F13A1: variants seen among roughly 807,000 people sequenced by gnomAD.
F13A1 encodes FSF, A subunit.
In F13A1, 47 loss-of-function variants were observed where a neutral mutation model predicts 80.1. That is an observed-to-expected ratio of 0.59 (90% confidence interval 0.46 to 0.75). The LOEUF is 0.75. Ranked by LOEUF, F13A1 falls within the 30% of genes least tolerant of loss-of-function variation. The pLI, the probability that F13A1 is intolerant of heterozygous loss-of-function variation, is 0.00. For synonymous variants in F13A1, 349 were observed against 344.9 expected (o/e 1.01, Z -0.13); for missense variants, 817 against 930.4 (o/e 0.88, Z 1.59).
At chr6:6,206,636 A>G (rs1205505063) in intron 8 of F13A1, 1 of 472,052 alleles carries the variant, frequency 2.1e-6, no homozygotes, top group East Asian at 6.2e-5. Context: ...TAGGGCAGTG[A>G]TTTCCAACCT....
chr6:6,186,570 C>T (rs1482000763), intron 10 of F13A1, among the ~76,000 whole-genome samples: 1 of 152,148 alleles, frequency 6.6e-6, no homozygotes, highest in African/African-American at 2.4e-5. Flanking sequence ...CTGTTCTGTT[C>T]CATTGATCTA....
intron 8 of F13A1, among the ~76,000 whole-genome samples, chr6:6,207,904 A>C (rs143226542): frequency 6.6e-6 from 1 of 152,368 alleles, no homozygotes; most frequent in African/African-American, 2.4e-5. Context: ...CAACAACAAC[A>C]GCAAACATCA....
At chr6:6,191,314 T>C (rs916867912) in intron 10 of F13A1, among the ~76,000 whole-genome samples, 1 of 152,220 alleles carries the variant, frequency 6.6e-6, no homozygotes, top group Non-Finnish European at 1.5e-5. Flanking sequence ...TTGGTACTAC[T>C]TGTGAAAGCC....
chr6:6,166,459 C>T (rs1183322633), intron 13 of F13A1, among the ~76,000 whole-genome samples: 2 of 152,208 alleles, frequency 1.3e-5, no homozygotes, highest in Non-Finnish European at 2.9e-5. Flanking sequence ...GATTTATCTA[C>T]CACTTTAGAG....
intron 11 of F13A1, among the ~76,000 whole-genome samples, chr6:6,179,853 G>A (rs1026058257): frequency 6.6e-6 from 1 of 152,152 alleles, no homozygotes; most frequent in African/African-American, 2.4e-5. Flanking sequence ...TCTTCCTCAT[G>A]CAGTGCGGAC....
chr6:6,246,984 A>ATG (rs113740556), intron 6 of F13A1, among the ~76,000 whole-genome samples: 4,854 of 152,298 alleles, frequency 0.032, 224 homozygotes, highest in African/African-American at 0.1. Context: ...AGTCTAATAT[A>ATG]TTTGTTATAA....
intron 6 of F13A1, among the ~76,000 whole-genome samples, chr6:6,247,962 A>G (rs1348729165): frequency 6.6e-6 from 1 of 152,168 alleles, no homozygotes; most frequent in Non-Finnish European, 1.5e-5. Flanking sequence ...GTGCACCTTG[A>G]TGTTTGGTTG....
chr6:6,298,486 C>T (rs1355981648), intron 3 of F13A1, among the ~76,000 whole-genome samples: 1 of 149,722 alleles, frequency 6.7e-6, no homozygotes, highest in Non-Finnish European at 1.5e-5. Context: ...TGAATTGATC[C>T]CTTTACCATT....
intron 7 of F13A1, among the ~76,000 whole-genome samples, chr6:6,224,214 C>G (rs372237573): frequency 1.3e-5 from 2 of 152,058 alleles, no homozygotes; most frequent in African/African-American, 2.4e-5. Flanking sequence ...TGCTATAATA[C>G]CTTCCATAAC....
At chr6:6,235,222 G>A (rs1397095201) in intron 6 of F13A1, among the ~76,000 whole-genome samples, 1 of 152,054 alleles carries the variant, frequency 6.6e-6, no homozygotes, top group South Asian at 2.1e-4. Flanking sequence ...GTGATCTTAG[G>A]TTAGGCAGTT....
At chr6:6,318,769 G>T in intron 1 of F13A1, 87 bp from the exon 2 acceptor site, 1 of 1,421,342 alleles carries the variant, frequency 7.0e-7, no homozygotes, top group Non-Finnish European at 9.7e-7. Context: ...TAGAGAAACA[G>T]ATATATCTGT....
At chr6:6,270,210 T>C (rs1425700613) in intron 3 of F13A1, among the ~76,000 whole-genome samples, 2 of 152,174 alleles carry the variant, frequency 1.3e-5, no homozygotes, top group Admixed American at 6.5e-5. Context: ...GGATTTCACA[T>C]TTTATTTATT....
In F13A1 at chr6:6,167,389, C is replaced by CAT. The variant is rs1390356993; in HGVS notation, c.1908+67_1908+68dup. ...ACACACACACACACATACAAGCACG[C>CAT]ATATGCACACATGAACACTAAGTCT... On this transcript the variant is annotated intron_variant, in intron 13 of 14. Transcript: ENST00000264870. 19 of 1,450,264 alleles carry CAT rather than the reference C, an allele frequency of 1.3e-5. No individual in the cohort carries two copies. In the African/African-American group the frequency reaches 2.5e-4, roughly 19 times the overall value. 89.8% of individuals were successfully genotyped at this position (1,450,264 alleles called of 1,614,324 possible). A position where few individuals can be genotyped will look rare whatever the true frequency, so the allele number is the denominator to read the frequency against.
At chr6:6,320,501 C>T in intron 1 of F13A1, 86 bp downstream of exon 1, 1 of 372,242 alleles carries the variant, frequency 2.7e-6, no homozygotes, top group South Asian at 2.1e-5. Context: ...CCAGAGCAAG[C>T]CGCTTGCTGG....
Position 6,224,831 on chromosome 6 carries a change from G to C in F13A1, c.828C>G (p.Leu276=). The change falls in exon 7 of 15, where the codon CTC becomes CTG. Residue 276 remains leucine, a synonymous_variant. Transcript: ENST00000264870. ...CATAGATATTGTCCCAGGATCCAAC[G>C]AGGACACCTTCGTCATCTTTGGCAT... is the stretch of plus-strand genomic sequence containing the variant. ...MVNAKDDEGV[L]VGSWDNIYAY... 6.2e-7 allele frequency: 1 copy of C among 1,614,024 alleles called. No individual in the cohort carries two copies. The highest frequency in any genetic ancestry group is 8.5e-7 in the Non-Finnish European group (1 of 1,179,912).
chr6:6,305,585 T>C, intron 2 of F13A1, 46 bp from the exon 3 acceptor site: 1 of 1,594,866 alleles, frequency 6.3e-7, no homozygotes, highest in South Asian at 1.1e-5. Flanking sequence ...TCAACTAACT[T>C]TAGTTTAAAC....
chr6:6,192,163 AC>A (rs1761213204), intron 10 of F13A1, among the ~76,000 whole-genome samples: 1 of 152,242 alleles, frequency 6.6e-6, no homozygotes, highest in South Asian at 2.1e-4. Context: ...AGGGAAATAA[AC>A]AAGGGATGAA....
intron 3 of F13A1, among the ~76,000 whole-genome samples, chr6:6,270,852 G>C (rs1757910271): frequency 6.6e-6 from 1 of 152,240 alleles, no homozygotes; most frequent in Non-Finnish European, 1.5e-5. Flanking sequence ...GTGTGAGCCA[G>C]AAATGTGGAT....
In F13A1 at chr6:6,197,204, A is replaced by G. The variant is rs1761306687; in HGVS notation, c.1216+19T>C. 10 of 1,610,540 alleles carry G rather than the reference A, an allele frequency of 6.2e-6. No individual in the cohort carries two copies. The highest frequency in any genetic ancestry group is 6.8e-6 in the Non-Finnish European group (8 of 1,176,886). On this transcript the variant is annotated intron_variant, in intron 9 of 14. Transcript: ENST00000264870. Reference sequence around the variant, plus strand: ...GATCAGCAATGAAGCAAGTTCCCAGAGGGAGGACACAGTTTTACCATCGCT... The same window carrying G: ...GATCAGCAATGAAGCAAGTTCCCAGGGGGAGGACACAGTTTTACCATCGCT...
Sources: allele counts gnomAD v4.1 joint callset (sites outside exome capture counted in the v4.1 genomes callset), GRCh38; gene constraint gnomAD v4.1.1; transcripts MANE v1.5; gene names NCBI Gene and HGNC (gene_info 2026-07-23, HGNC 2026-07-21).